The following CSMD1 variants were observed in gnomAD, a reference collection of about 807,000 sequenced individuals.
CSMD1 encodes CUB and Sushi multiple domains 1.
A neutral mutation model predicts 417.5 loss-of-function variants in CSMD1; 213 were observed. The ratio of observed to expected loss-of-function variants is 0.51; its 90% CI spans 0.46 to 0.57. CSMD1 has a LOEUF of 0.57. CSMD1 is among the 20% of genes least tolerant of loss of function. The pLI is 0.00. For synonymous variants in CSMD1, 2,862 were observed against 1,736.8 expected (o/e 1.65, Z -16.11); for missense variants, 6,923 against 4,529.7 (o/e 1.53, Z -15.17).
intron 10 of CSMD1, among the ~76,000 whole-genome samples, chr8:3,523,782 CAG>C (rs1231839225): frequency 4.1e-5 from 6 of 145,148 alleles, no homozygotes; most frequent in South Asian, 2.1e-4. Context: ...CATGCACACC[CAG>C]AGACATATGC....
At chr8:4,575,540 C>A (rs1390563806) in intron 2 of CSMD1, among the ~76,000 whole-genome samples, 1 of 152,146 alleles carries the variant, frequency 6.6e-6, no homozygotes, top group Non-Finnish European at 1.5e-5. Flanking sequence ...GGGAGAGCAC[C>A]TCTTGGCCAT....
chr8:4,888,274 G>A (rs1014742394), intron 1 of CSMD1, among the ~76,000 whole-genome samples: 2 of 152,030 alleles, frequency 1.3e-5, no homozygotes, highest in Admixed American at 6.6e-5. Context: ...TTCAAGATAT[G>A]TTGTTAAATA....
At chr8:4,727,665 C>G (rs1055869594) in intron 1 of CSMD1, among the ~76,000 whole-genome samples, 5 of 152,066 alleles carry the variant, frequency 3.3e-5, no homozygotes, top group Non-Finnish European at 7.4e-5. Context: ...GGGACCAGCT[C>G]TACTAGTCAC....
intron 1 of CSMD1, among the ~76,000 whole-genome samples, chr8:4,764,696 A>T (rs908078153): frequency 6.6e-6 from 1 of 151,088 alleles, no homozygotes; most frequent in African/African-American, 2.4e-5. Flanking sequence ...AAAAAAAAAA[A>T]ACCCATCTCT....
intron 48 of CSMD1, among the ~76,000 whole-genome samples, chr8:3,090,570 A>G (rs987383787): frequency 2.0e-5 from 3 of 152,140 alleles, no homozygotes; most frequent in African/African-American, 7.2e-5. Context: ...TATTCTTACA[A>G]CTGCTGTTTT....
intron 1 of CSMD1, among the ~76,000 whole-genome samples, chr8:4,847,655 T>C (rs1277637987): frequency 2.0e-5 from 3 of 152,160 alleles, no homozygotes; most frequent in South Asian, 2.1e-4. Flanking sequence ...CATTTAGACA[T>C]GGTTTCTCCT....
At chr8:3,809,820 C>G (rs534386230) in intron 5 of CSMD1, among the ~76,000 whole-genome samples, 6 of 152,276 alleles carry the variant, frequency 3.9e-5, no homozygotes, top group South Asian at 4.2e-4. Flanking sequence ...TGTTCACATA[C>G]TGAAAACGCA....
At chr8:4,150,829 G>A (rs79502254) in intron 3 of CSMD1, among the ~76,000 whole-genome samples, 4,065 of 152,042 alleles carry the variant, frequency 0.027, 188 homozygotes, top group African/African-American at 0.092. Flanking sequence ...GACAGGGAGG[G>A]ACAGAATAAC....
At chr8:3,844,637 G>T (rs76803204) in intron 5 of CSMD1, among the ~76,000 whole-genome samples, 9,528 of 152,056 alleles carry the variant, frequency 0.063, 871 homozygotes, top group African/African-American at 0.2. Flanking sequence ...GAAGGAGAAC[G>T]GTGGGTATGC....
chr8:3,760,049 G>C (rs1462910972), intron 5 of CSMD1, among the ~76,000 whole-genome samples: 7 of 152,102 alleles, frequency 4.6e-5, no homozygotes, highest in African/African-American at 2.4e-5. Context: ...AAATCAAACG[G>C]AGCTTGCCAG....
intron 51 of CSMD1, among the ~76,000 whole-genome samples, chr8:3,025,311 T>G (rs1809786216): frequency 6.6e-6 from 1 of 151,892 alleles, no homozygotes; most frequent in Admixed American, 6.6e-5. Flanking sequence ...TTGTCTGGTG[T>G]TATTCTGAAA....
chr8:3,717,637 G>A (rs2623561), intron 6 of CSMD1, among the ~76,000 whole-genome samples: 28,685 of 151,970 alleles, frequency 0.19, 2,945 homozygotes, highest in East Asian at 0.25. Flanking sequence ...CTGTTAGAAC[G>A]TTTATGTATT....
At chr8:4,934,804 C>T (rs1231710550) in intron 1 of CSMD1, among the ~76,000 whole-genome samples, 1 of 149,798 alleles carries the variant, frequency 6.7e-6, no homozygotes, top group Non-Finnish European at 1.5e-5. Flanking sequence ...TATCTATAAA[C>T]CTACCTATCA....
At chr8:3,997,404 G>C (rs775734468) in intron 5 of CSMD1, among the ~76,000 whole-genome samples, 3 of 136,700 alleles carry the variant, frequency 2.2e-5, no homozygotes, top group Non-Finnish European at 5.2e-5. Context: ...TAAGATGTGT[G>C]TTAAGTTATT....
At chr8:4,102,444 A>G (rs919242067) in intron 3 of CSMD1, among the ~76,000 whole-genome samples, 2 of 152,304 alleles carry the variant, frequency 1.3e-5, no homozygotes, top group South Asian at 4.2e-4. Flanking sequence ...AGATTTAAGA[A>G]AGTCCTTGGT....
At chr8:4,243,008 A>C (rs560128743) in intron 3 of CSMD1, among the ~76,000 whole-genome samples, 1 of 152,316 alleles carries the variant, frequency 6.6e-6, no homozygotes, top group East Asian at 1.9e-4. Context: ...GTTAAAATGC[A>C]AAGGAAACAG....
chr8:4,111,764 T>A (rs1402363006), intron 3 of CSMD1, among the ~76,000 whole-genome samples: 1 of 152,096 alleles, frequency 6.6e-6, no homozygotes, highest in African/African-American at 2.4e-5. Flanking sequence ...CACTGGGAAC[T>A]GTTGTGGGGC....
intron 5 of CSMD1, among the ~76,000 whole-genome samples, chr8:3,891,841 A>G (rs1345710806): frequency 6.6e-6 from 1 of 152,122 alleles, no homozygotes; most frequent in Non-Finnish European, 1.5e-5. Context: ...TGTAATGGTA[A>G]TCCATTAAAG....
Position 3,719,224 on chromosome 8 carries a change from C to A in CSMD1, c.932-10733G>T, listed in dbSNP as rs150190616. Reference sequence around the variant, plus strand: ...CCTACTGGGATTATCAAAAGCCTTCCAAGGTGTTCACCTTGCAAGGTGAAC... The same window carrying A: ...CCTACTGGGATTATCAAAAGCCTTCAAAGGTGTTCACCTTGCAAGGTGAAC... On this transcript the variant is annotated intron_variant, in intron 6 of 69. Coordinates refer to ENST00000635120, the MANE Select transcript of CSMD1 (RefSeq NM_033225.6). Among the ~76,000 whole-genome samples, 3 of 151,620 alleles carry A rather than the reference C, an allele frequency of 2.0e-5. No individual in the cohort carries two copies. In the East Asian group the frequency reaches 5.8e-4, roughly 29 times the overall value.
Sources: gnomAD v4.1 joint callset for allele counts (sites outside exome capture counted in the v4.1 genomes callset) on GRCh38, gnomAD v4.1.1 for gene constraint, MANE v1.5 for transcripts, NCBI Gene and HGNC (gene_info 2026-07-23, HGNC 2026-07-21) for gene names.